SH3BP4: variants seen among roughly 807,000 people sequenced by gnomAD.
The protein encoded by SH3BP4 is SH3 domain-binding protein 4.
A neutral mutation model predicts 65.5 loss-of-function variants in SH3BP4; 33 were observed. The observed-to-expected ratio is 0.50, with a 90% CI of 0.38 to 0.67. The LOEUF is 0.67. SH3BP4 is among the 30% of genes least tolerant of loss of function. The pLI, the probability that SH3BP4 is intolerant of heterozygous loss-of-function variation, is 0.00. For missense variants in SH3BP4, 1,134 were observed against 1,261.4 expected (o/e 0.90, Z 1.53); for synonymous variants, 552 against 545.5 (o/e 1.01, Z -0.17).
chr2:234,954,584 C>G (rs1692546200), intron 1 of SH3BP4, among the ~76,000 whole-genome samples: 1 of 152,182 alleles, frequency 6.6e-6, no homozygotes, highest in South Asian at 2.1e-4. Context: ...ACCTTCCTGG[C>G]TTTTCTCCCT....
chr2:235,052,649 C>G lies in SH3BP4; in HGVS notation c.2566C>G (p.Arg856Gly). 7 of 1,585,872 alleles carry G rather than the reference C, an allele frequency of 4.4e-6. No individual in the cohort carries two copies. Among genetic ancestry groups the G allele is most frequent in the Non-Finnish European group, 6.0e-6 (7 of 1,166,958 alleles). Residue 856 changes from arginine (R) to glycine (G), a missense_variant, in exon 5 of 6, where the codon CGC becomes GGC. Transcript: ENST00000392011. This position sits in a 1 kb window ranked among gnomAD's most constrained non-coding sequence, Gnocchi z 5.0. ...LLTTAVEVAQRWRELAEKLAK... is the reference protein window; with the variant it reads ...LLTTAVEVAQGWRELAEKLAK... ...GACCACGGCTGTAGAGGTGGCCCAG[C>G]GCTGGCGGGAGCTGGCTGAGAAGCT...
chr2:235,005,813 G>A (rs150548426), intron 2 of SH3BP4, among the ~76,000 whole-genome samples: 4 of 152,358 alleles, frequency 2.6e-5, no homozygotes, highest in Middle Eastern at 3.4e-3. Flanking sequence ...GAGCATGCTG[G>A]CTTTGGGAGG....
intron 1 of SH3BP4, among the ~76,000 whole-genome samples, chr2:234,990,913 AC>A (rs898993210): frequency 6.6e-6 from 1 of 151,326 alleles, no homozygotes; most frequent in African/African-American, 2.4e-5. Flanking sequence ...TAGAAGCCTC[AC>A]CCCCCATCTT....
At chr2:235,003,592 G>A (rs367990700) in intron 2 of SH3BP4, among the ~76,000 whole-genome samples, 1 of 152,178 alleles carries the variant, frequency 6.6e-6, no homozygotes, top group East Asian at 1.9e-4. Flanking sequence ...TCAAATCTTG[G>A]TGAGGAACAG....
chr2:235,027,777 G>T (rs888736478), intron 2 of SH3BP4, among the ~76,000 whole-genome samples: 3 of 152,196 alleles, frequency 2.0e-5, no homozygotes, highest in Non-Finnish European at 2.9e-5. Flanking sequence ...GCAGGAGAAC[G>T]GAGGAGAACG....
At chr2:235,004,787 A>C (rs1370798917) in intron 2 of SH3BP4, among the ~76,000 whole-genome samples, 1 of 152,166 alleles carries the variant, frequency 6.6e-6, no homozygotes, top group Non-Finnish European at 1.5e-5. Context: ...GTTGATGGAC[A>C]TTTGGGTCGT....
rs1695615044 is a variant in SH3BP4, at chr2:235,040,985, C to A, written c.216C>A (p.Thr72=). ...AGGACTATTGCCCCACCAACTTCAC[C>A]ACACTGAAGTTCTCCAAGGGCGACC... is the stretch of plus-strand genomic sequence containing the variant. ...AIKDYCPTNF[T]TLKFSKGDHL... is the part of the protein sequence containing the mutation. The change falls in exon 4 of 6, where the codon ACC becomes ACA. Residue 72 remains threonine, a synonymous_variant. Transcript: ENST00000392011. The A allele has an allele frequency of 6.2e-7, 1 of 1,614,028 alleles. No homozygotes were observed.
At position 234,976,421 on chromosome 2, in the gene SH3BP4, G is replaced by T. The variant is rs925016809; in HGVS notation, c.-206-18882G>T. Among the ~76,000 whole-genome samples, 4 of 152,168 alleles carry T rather than the reference G, an allele frequency of 2.6e-5. No individual in the cohort carries two copies. The highest frequency in any genetic ancestry group is 9.7e-5 in the African/African-American group (4 of 41,430). On this transcript the variant is annotated intron_variant, in intron 1 of 5. Transcript: ENST00000392011. This position sits in a 1 kb window ranked among gnomAD's most constrained non-coding sequence, Gnocchi z 4.7. ...CTGAGTAGTTAAGTTAGATCCTTAG[G>T]GGGTGACAGGGCCGGTGTGTACCAG...
chr2:235,015,614 G>T (rs575993743), intron 2 of SH3BP4, among the ~76,000 whole-genome samples: 33 of 152,328 alleles, frequency 2.2e-4, no homozygotes, highest in Middle Eastern at 3.4e-3. Context: ...GACTGTGATG[G>T]GTACAGCTCA....
rs575428665 is a variant in SH3BP4 at position 235,046,419 on chromosome 2, T to A, written c.2478+3172T>A. 1.3e-5 allele frequency among the ~76,000 whole-genome samples: 2 copies of A among 151,734 alleles called. No homozygotes were observed. Among genetic ancestry groups the A allele is most frequent in the African/African-American group, 2.4e-5 (1 of 41,256 alleles). ...CTTCATCTCTCCAATTTTTTTTTTT[T>A]AAATCAGCCAGGTGTGTTGGTGTGC... On this transcript the variant is annotated intron_variant, in intron 4 of 5. Coordinates refer to ENST00000392011, the MANE Select transcript of SH3BP4 (RefSeq NM_014521.3). This position sits in a 1 kb window ranked among gnomAD's most constrained non-coding sequence, Gnocchi z 4.2.
chr2:235,053,887 C>G lies in SH3BP4; in HGVS notation c.*71C>G, dbSNP rs576422631. On this transcript the variant is annotated 3_prime_UTR_variant, in exon 6 of 6. Transcript: ENST00000392011. Reference sequence around the variant, plus strand: ...TGCCCTGCGTGCCCTGCTGTCACCGCGGAGCTGAAGAGGGAGGAAGGGGCG... The same window carrying G: ...TGCCCTGCGTGCCCTGCTGTCACCGGGGAGCTGAAGAGGGAGGAAGGGGCG... 1.6e-6 allele frequency: 2 copies of G among 1,274,192 alleles called. No individual in the cohort carries two copies. The highest frequency in any genetic ancestry group is 1.7e-5 in the Admixed American group (1 of 58,318). 78.9% of individuals were successfully genotyped at this position (1,274,192 alleles called of 1,614,324 possible).
chr2:235,008,951 G>C (rs1197242368), intron 2 of SH3BP4, among the ~76,000 whole-genome samples: 1 of 152,210 alleles, frequency 6.6e-6, no homozygotes, highest in Non-Finnish European at 1.5e-5. Flanking sequence ...CGGGGTTCCA[G>C]CTGGCTTACA....
In SH3BP4 at chr2:235,049,728, A is replaced by G. The variant is rs75563534; in HGVS notation, c.2479-2834A>G. On this transcript the variant is annotated intron_variant, in intron 4 of 5. Transcript: ENST00000392011. ...AATATATAAATAGTTGATATGAAGCATAATCCAGACCGGTATTACATTTGG... is the reference window on the plus strand; with the variant it reads ...AATATATAAATAGTTGATATGAAGCGTAATCCAGACCGGTATTACATTTGG... Among the ~76,000 whole-genome samples the G allele has an allele frequency of 5.4e-3, 830 of 152,384 alleles. 9 individuals are homozygous for G. The highest frequency in any genetic ancestry group is 0.019 in the African/African-American group (798 of 41,602).
At chr2:234,971,954 C>G (rs969169032) in intron 1 of SH3BP4, among the ~76,000 whole-genome samples, 1 of 149,492 alleles carries the variant, frequency 6.7e-6, no homozygotes, top group African/African-American at 2.5e-5. Context: ...GTAGCTGAGA[C>G]TACAGGCGTG....
chr2:235,019,810 A>G (rs1694798653), intron 2 of SH3BP4, among the ~76,000 whole-genome samples: 1 of 145,606 alleles, frequency 6.9e-6, no homozygotes, highest in Admixed American at 7.2e-5. Flanking sequence ...GGTCCATTCC[A>G]TTCCTCCTTT....
intron 1 of SH3BP4, chr2:234,994,499 G>A (rs994008220): frequency 2.0e-5 from 3 of 152,058 alleles, no homozygotes; most frequent in African/African-American, 7.3e-5. Context: ...TCAGCCTGAG[G>A]GGGAGGGCGT....
chr2:235,003,277 C>CT (rs1328132205), intron 2 of SH3BP4, among the ~76,000 whole-genome samples: 5 of 152,244 alleles, frequency 3.3e-5, no homozygotes, highest in African/African-American at 1.2e-4. Context: ...GAGGAGAACT[C>CT]TCCCCTGGCC....
chr2:235,015,994 C>T lies in SH3BP4; in HGVS notation c.-132-18877C>T, dbSNP rs574270643. 1.1e-3 allele frequency among the ~76,000 whole-genome samples: 173 copies of T among 151,934 alleles called. 4 individuals are homozygous for T. The South Asian group carries it at 0.032, about 28-fold the overall frequency. Reference sequence around the variant, plus strand: ...CATCAGCATCAGTCACATGGGGGTACGTGGCAGAGATTTGGGGGACACACA... The same window carrying T: ...CATCAGCATCAGTCACATGGGGGTATGTGGCAGAGATTTGGGGGACACACA... On this transcript the variant is annotated intron_variant, in intron 2 of 5. Coordinates refer to ENST00000392011, the MANE Select transcript of SH3BP4 (RefSeq NM_014521.3).
chr2:234,988,123 A>G (rs2106265599), intron 1 of SH3BP4, among the ~76,000 whole-genome samples: 1 of 152,010 alleles, frequency 6.6e-6, no homozygotes, highest in South Asian at 2.1e-4. Context: ...GCGGTGGTGT[A>G]ATCCCGCCTC....
Sources: allele counts gnomAD v4.1 joint callset (sites outside exome capture counted in the v4.1 genomes callset), GRCh38; gene constraint gnomAD v4.1.1; non-coding constraint Gnocchi (gnomAD v3.1); transcripts MANE v1.5; gene names NCBI Gene and HGNC (gene_info 2026-07-23, HGNC 2026-07-21).